EIF2B3: variants seen among roughly 807,000 people sequenced by gnomAD.
EIF2B3 encodes the protein translation initiation factor eIF2B subunit gamma.
A neutral mutation model predicts 54.1 loss-of-function variants in EIF2B3; 20 were observed. That is an observed-to-expected ratio of 0.37 (90% CI 0.26 to 0.54). The LOEUF (loss-of-function observed/expected upper bound fraction) is 0.54. Ranked by LOEUF, EIF2B3 falls within the 20% of genes least tolerant of loss-of-function variation. The pLI, the probability that EIF2B3 is intolerant of heterozygous loss-of-function variation, is 0.86. For synonymous variants in EIF2B3, 153 were observed against 188.1 expected (o/e 0.81, Z 1.52); for missense variants, 448 against 547.8 (o/e 0.82, Z 1.82).
chr1:44,907,671 T>TG (rs904647733), intron 5 of EIF2B3, among the ~76,000 whole-genome samples: 21 of 151,614 alleles, frequency 1.4e-4, no homozygotes, highest in African/African-American at 4.4e-4. Flanking sequence ...GAGGCTGAGG[T>TG]GGGGGGATCA....
intron 5 of EIF2B3, among the ~76,000 whole-genome samples, chr1:44,911,363 C>A (rs1015777048): frequency 2.0e-5 from 3 of 152,174 alleles, no homozygotes; most frequent in Admixed American, 1.3e-4. Flanking sequence ...ACTAAAAATG[C>A]AGCCTAGTCT....
At chr1:44,871,068 A>G (rs1213414480) in intron 10 of EIF2B3, among the ~76,000 whole-genome samples, 1 of 152,178 alleles carries the variant, frequency 6.6e-6, no homozygotes. Context: ...AACTTGTCCC[A>G]GATGGAATTT....
At chr1:44,903,683 T>C (rs1643358599) in intron 5 of EIF2B3, among the ~76,000 whole-genome samples, 1 of 152,232 alleles carries the variant, frequency 6.6e-6, no homozygotes, top group Non-Finnish European at 1.5e-5. Flanking sequence ...TTGCTGTGAA[T>C]GAGACCGTAA....
intron 8 of EIF2B3, among the ~76,000 whole-genome samples, chr1:44,876,464 C>T (rs1421397358): frequency 7.3e-6 from 1 of 137,664 alleles, no homozygotes; most frequent in African/African-American, 2.8e-5. Flanking sequence ...AGACCCTCTG[C>T]CTGGCAGCCG....
intron 5 of EIF2B3, among the ~76,000 whole-genome samples, chr1:44,908,134 T>G (rs952407183): frequency 6.6e-6 from 1 of 152,216 alleles, no homozygotes; most frequent in Non-Finnish European, 1.5e-5. Flanking sequence ...AAGACTCTGT[T>G]GCCAAAGCAC....
At chr1:44,865,015 C>G (rs1371910072) in intron 10 of EIF2B3, among the ~76,000 whole-genome samples, 2 of 152,148 alleles carry the variant, frequency 1.3e-5, no homozygotes, top group Non-Finnish European at 2.9e-5. Context: ...GTCAAGAGTT[C>G]AAGACCAGCC....
At chr1:44,936,510 G>C (rs1291084925) in intron 4 of EIF2B3, among the ~76,000 whole-genome samples, 1 of 151,974 alleles carries the variant, frequency 6.6e-6, no homozygotes, top group Non-Finnish European at 1.5e-5. Context: ...AGAATTGCTT[G>C]AACCCGAGAG....
intron 11 of EIF2B3, among the ~76,000 whole-genome samples, chr1:44,854,318 G>T (rs1384226802): frequency 1.3e-5 from 2 of 151,762 alleles, no homozygotes; most frequent in African/African-American, 4.8e-5. Context: ...CATTTTTTAG[G>T]TTTTGACTGT....
intron 10 of EIF2B3, among the ~76,000 whole-genome samples, chr1:44,869,439 T>C (rs1186760354): frequency 1.3e-5 from 2 of 150,674 alleles, no homozygotes; most frequent in African/African-American, 2.4e-5. Context: ...GATCACGCCA[T>C]TGCACTCCAG....
intron 3 of EIF2B3, among the ~76,000 whole-genome samples, chr1:44,954,181 CAGG>C (rs141013391): frequency 0.011 from 1,628 of 152,246 alleles, 35 homozygotes; most frequent in African/African-American, 0.037. Flanking sequence ...GCAAAAACAT[CAGG>C]AGATGAATTA....
At chr1:44,879,052 T>A (rs1410690224) in intron 8 of EIF2B3, among the ~76,000 whole-genome samples, 1 of 152,210 alleles carries the variant, frequency 6.6e-6, no homozygotes, top group Non-Finnish European at 1.5e-5. Context: ...TAAGACACCG[T>A]GCCCGGACTC....
chr1:44,917,363 C>T (rs113344476), intron 5 of EIF2B3, among the ~76,000 whole-genome samples: 1,549 of 152,016 alleles, frequency 0.01, 21 homozygotes, highest in Non-Finnish European at 0.014. Flanking sequence ...CATAGTGGCT[C>T]ATGCCTATAA....
intron 3 of EIF2B3, among the ~76,000 whole-genome samples, chr1:44,942,228 TTAA>T (rs1286354768): frequency 6.6e-6 from 1 of 150,820 alleles, no homozygotes; most frequent in Non-Finnish European, 1.5e-5. Flanking sequence ...ATTGTTATTA[TTAA>T]TATTACTGGC....
chr1:44,917,804 T>C (rs1245973455), intron 5 of EIF2B3, among the ~76,000 whole-genome samples: 1 of 130,068 alleles, frequency 7.7e-6, no homozygotes, highest in Non-Finnish European at 1.6e-5. Flanking sequence ...GACGGAGTCT[T>C]CCTCTGTTGC....
chr1:44,863,152 ACTCATGAC>A (rs910798943), intron 10 of EIF2B3: 1 of 152,082 alleles, frequency 6.6e-6, no homozygotes, highest in Non-Finnish European at 1.5e-5. Context: ...TTTCTAAACT[ACTCATGAC>A]CCTGGGGGAA....
At chr1:44,917,462 A>G (rs1211552162) in intron 5 of EIF2B3, among the ~76,000 whole-genome samples, 2 of 151,380 alleles carry the variant, frequency 1.3e-5, no homozygotes, top group Non-Finnish European at 2.9e-5. Context: ...CATTATACTC[A>G]AGCCTAGGCA....
intron 6 of EIF2B3, 41 bp downstream of exon 6, chr1:44,897,314 G>C: frequency 2.8e-6 from 4 of 1,433,496 alleles, no homozygotes; most frequent in Non-Finnish European, 2.9e-6. Context: ...AAAGTAGCTT[G>C]TTAAGTACTG....
chr1:44,940,646 A>C (rs1182189124), intron 4 of EIF2B3: 3 of 153,154 alleles, frequency 2.0e-5, no homozygotes, highest in South Asian at 2.0e-4. Flanking sequence ...TGGCATGTGC[A>C]TGTAGTCCCA....
At chr1:44,966,361 C>T (rs918749042) in intron 3 of EIF2B3, among the ~76,000 whole-genome samples, 1 of 150,468 alleles carries the variant, frequency 6.6e-6, no homozygotes, top group Non-Finnish European at 1.5e-5. Context: ...ATGGCGTGAA[C>T]CTGGGGGGCG....
Sources: allele counts gnomAD v4.1 joint callset (sites outside exome capture counted in the v4.1 genomes callset), GRCh38; gene constraint gnomAD v4.1.1; transcripts MANE v1.5; gene names NCBI Gene and HGNC (gene_info 2026-07-23, HGNC 2026-07-21).